TOM1: variants seen among roughly 807,000 people sequenced by gnomAD.
TOM1 encodes target of Myb protein 1.
Under a neutral mutation model 61.3 loss-of-function variants are expected in TOM1, and 38 were observed. The ratio of observed to expected loss-of-function variants is 0.62; its 90% CI spans 0.48 to 0.81. The LOEUF is 0.81. TOM1 is among the 40% of genes least tolerant of loss of function. The pLI is 0.00. For synonymous variants in TOM1, 270 were observed against 268.8 expected (o/e 1.00, Z -0.04); for missense variants, 591 against 659.6 (o/e 0.90, Z 1.14).
intron 1 of TOM1, among the ~76,000 whole-genome samples, chr22:35,314,104 C>T (rs772160251): frequency 6.6e-6 from 1 of 152,248 alleles, no homozygotes; most frequent in Non-Finnish European, 1.5e-5. Context: ...TATGCCTACC[C>T]TGTGGGCATC....
At chr22:35,327,929 T>C (rs890506264) in intron 7 of TOM1, among the ~76,000 whole-genome samples, 3 of 152,098 alleles carry the variant, frequency 2.0e-5, no homozygotes, top group African/African-American at 7.2e-5. Context: ...TGGGGGTCAC[T>C]GGAGCAGAAG....
chr22:35,324,136 C>A (rs1036850077), intron 6 of TOM1, among the ~76,000 whole-genome samples: 1 of 152,240 alleles, frequency 6.6e-6, no homozygotes, highest in Non-Finnish European at 1.5e-5. Flanking sequence ...TCCAAGCTCA[C>A]GTCTGTCTGA....
Position 35,323,082 on chromosome 22 carries a change from A to G in TOM1, c.271A>G (p.Ser91Gly). The change falls in exon 4 of 15, where the codon AGC (serine) becomes GGC (glycine). Residue 91 changes from serine (S) to glycine (G), a missense_variant. Transcript: ENST00000449058. This position sits in a 1 kb window ranked among gnomAD's most constrained non-coding sequence, Gnocchi z 4.2. ...CGHRFHVLVA[S>G]QDFVESVLVR... ...GCACCGCTTCCACGTGCTGGTGGCC[A>G]GCCAGGACTTCGTGGAGAGTGTGCT... 6.2e-7 allele frequency: 1 copy of G among 1,614,190 alleles called. No homozygotes were observed. Among genetic ancestry groups the G allele is most frequent in the African/African-American group, 1.3e-5 (1 of 75,062 alleles).
At chr22:35,344,080 C>A (rs1012472911) in intron 12 of TOM1, 1 of 152,500 alleles carries the variant, frequency 6.6e-6, no homozygotes, top group South Asian at 2.1e-4. Context: ...TACACACACA[C>A]GCCTCCCAAA....
At chr22:35,322,835 G>A (rs531683697) in intron 3 of TOM1, among the ~76,000 whole-genome samples, 193 bp from the exon 4 acceptor site, 3 of 152,256 alleles carry the variant, frequency 2.0e-5, no homozygotes, top group East Asian at 1.9e-4. Flanking sequence ...ACCCTAGGCC[G>A]TGCCCTCCAG....
chr22:35,301,753 C>T (rs1000286243), intron 1 of TOM1, among the ~76,000 whole-genome samples: 3 of 152,102 alleles, frequency 2.0e-5, no homozygotes, highest in Non-Finnish European at 4.4e-5. Flanking sequence ...GATTTACACA[C>T]CAGGAAGCTC....
chr22:35,299,866 TCGGTGGCGCTGG>T (rs1569013050), upstream of TOM1: 24 of 1,538,878 alleles, frequency 1.6e-5, no homozygotes. Context: ...ACGTGACGGG[TCGGTGGCGCTGG>T]CGGTTGCTGT....
At chr22:35,301,582 G>A (rs1925792412) in intron 1 of TOM1, among the ~76,000 whole-genome samples, 1 of 152,176 alleles carries the variant, frequency 6.6e-6, no homozygotes, top group Non-Finnish European at 1.5e-5. Context: ...AGTCCAGACT[G>A]GGAAAACTTT....
intron 1 of TOM1, among the ~76,000 whole-genome samples, chr22:35,306,506 A>G (rs1000531995): frequency 2.0e-5 from 3 of 152,204 alleles, no homozygotes; most frequent in Admixed American, 2.0e-4. Context: ...AGTAGAGCCC[A>G]GGGTGAGCTT....
At chr22:35,335,680 C>CG (rs1200727905) in intron 11 of TOM1, 3 of 154,874 alleles carry the variant, frequency 1.9e-5, no homozygotes, top group Non-Finnish European at 4.4e-5. Context: ...GAGCAGGCTC[C>CG]GGGGGACAGG....
intron 10 of TOM1, 77 bp downstream of exon 10, chr22:35,333,574 C>A: frequency 7.7e-7 from 1 of 1,297,586 alleles, no homozygotes; most frequent in Admixed American, 1.8e-5. Flanking sequence ...TCGGGGTGCC[C>A]TTGTTATATA....
At chr22:35,326,643 G>C (rs981436044) in intron 6 of TOM1, among the ~76,000 whole-genome samples, 4 of 152,222 alleles carry the variant, frequency 2.6e-5, no homozygotes. Context: ...CAGTCCACTA[G>C]GAGGAGAGAG....
At position 35,323,190 on chromosome 22, in the gene TOM1, A is replaced by C. The variant is rs1019364528; in HGVS notation, c.366+13A>C. 1 of 1,612,812 alleles carries C rather than the reference A, an allele frequency of 6.2e-7. No individual in the cohort carries two copies. Among genetic ancestry groups the C allele is most frequent in the Non-Finnish European group, 8.5e-7 (1 of 1,179,998 alleles). On this transcript the variant is annotated intron_variant, in intron 4 of 14. Transcript: ENST00000449058. The surrounding 1 kb of genome is among the most constrained non-coding windows in gnomAD (Gnocchi z 4.2). ...CAACCTCATCCAGGTGAGTGCCAGGACAGGGCAGGGCACGGCCAGGAAGAG... is the reference window on the plus strand; with the variant it reads ...CAACCTCATCCAGGTGAGTGCCAGGCCAGGGCAGGGCACGGCCAGGAAGAG...
chr22:35,313,559 C>T (rs1340663158), intron 1 of TOM1, among the ~76,000 whole-genome samples: 3 of 152,180 alleles, frequency 2.0e-5, no homozygotes, highest in Non-Finnish European at 4.4e-5. Flanking sequence ...GCAGTCTTAT[C>T]CTGATTTTAC....
intron 2 of TOM1, among the ~76,000 whole-genome samples, chr22:35,320,922 C>T (rs1927711627): frequency 7.2e-6 from 1 of 138,476 alleles, no homozygotes; most frequent in Non-Finnish European, 1.5e-5. Context: ...TTCCGGGCTA[C>T]AGCGAGCTGT....
chr22:35,345,863 T>C, intron 13 of TOM1, 79 bp downstream of exon 13: 1 of 1,451,126 alleles, frequency 6.9e-7, no homozygotes, highest in South Asian at 1.1e-5. Flanking sequence ...GGGGCCAGGG[T>C]AGACTTATAT....
intron 9 of TOM1, 64 bp downstream of exon 9, chr22:35,333,078 C>T (rs1447663420): frequency 1.3e-6 from 2 of 1,530,514 alleles, no homozygotes; most frequent in African/African-American, 2.7e-5. Flanking sequence ...GTGCCATTCT[C>T]ACCTCCCTCC....
At chr22:35,335,832 C>T (rs1171994841) in intron 11 of TOM1, 2 of 154,966 alleles carry the variant, frequency 1.3e-5, no homozygotes, top group African/African-American at 4.8e-5. Flanking sequence ...GAGCATGCAA[C>T]TCTGCGGAGG....
intron 12 of TOM1, among the ~76,000 whole-genome samples, chr22:35,342,944 CCTA>C (rs1413044873): frequency 3.3e-5 from 4 of 120,884 alleles, no homozygotes; most frequent in Non-Finnish European, 6.7e-5. Context: ...CACTCATACA[CCTA>C]CACACACCCC....
Sources: gnomAD v4.1 joint callset for allele counts (sites outside exome capture counted in the v4.1 genomes callset) on GRCh38, gnomAD v4.1.1 for gene constraint, Gnocchi (gnomAD v3.1) non-coding constraint, MANE v1.5 for transcripts, NCBI Gene and HGNC (gene_info 2026-07-23, HGNC 2026-07-21) for gene names.